CLASP1: variants seen among roughly 807,000 people sequenced by gnomAD.
CLASP1 encodes the protein cytoplasmic linker associated protein 1.
In CLASP1, 38 loss-of-function variants were observed where a neutral mutation model predicts 192.3. That is an observed-to-expected ratio of 0.20 (90% confidence interval 0.15 to 0.26). CLASP1 has a LOEUF of 0.26. Ranked by LOEUF, CLASP1 falls within the 10% of genes least tolerant of loss-of-function variation. CLASP1 has a pLI of 1.00. For synonymous variants in CLASP1, 691 were observed against 712.8 expected (o/e 0.97, Z 0.49); for missense variants, 1,433 against 1,932.5 (o/e 0.74, Z 4.85).
At position 121,484,180 on chromosome 2, in the gene CLASP1, T is replaced by C. The variant is rs573502672; in HGVS notation, c.713-14220A>G. Among the ~76,000 whole-genome samples the C allele has an allele frequency of 4.6e-5, 7 of 152,332 alleles. No homozygotes were observed. In the South Asian group the frequency reaches 1.4e-3, roughly 32 times the overall value. On this transcript the variant is annotated intron_variant, in intron 8 of 39. Transcript: ENST00000263710. ...TTTTTGTAAATTATAGATATATTAC[T>C]AAAAGTACCTATTTGATAACTGTCC...
At chr2:121,552,900 T>C (rs192415768) in intron 2 of CLASP1, among the ~76,000 whole-genome samples, 5 of 152,342 alleles carry the variant, frequency 3.3e-5, no homozygotes, top group East Asian at 3.9e-4. Context: ...TGTATGTTAA[T>C]TGCAGCACTA....
rs756323573 is a variant in CLASP1 at position 121,493,914 on chromosome 2, T to C, written c.712+9253A>G. Among the ~76,000 whole-genome samples the C allele has an allele frequency of 5.9e-5, 9 of 152,276 alleles. No individual in the cohort carries two copies. The East Asian group carries it at 1.4e-3, about 23-fold the overall frequency. On this transcript the variant is annotated intron_variant, in intron 8 of 39. Coordinates refer to ENST00000263710, the Ensembl canonical transcript of CLASP1. ...ACAATGAGGTATCATCTCACCCCAG[T>C]TGAAATGGCTTTAATCCAAAAGACA... is the stretch of plus-strand genomic sequence containing the variant.
intron 6 of CLASP1, among the ~76,000 whole-genome samples, chr2:121,523,880 A>G (rs563244956): frequency 1.3e-5 from 2 of 152,318 alleles, no homozygotes; most frequent in Admixed American, 1.3e-4. Context: ...CTCTCGCTAA[A>G]TATATGTGGA....
At chr2:121,470,293 C>CTCTT in intron 8 of CLASP1, 1 of 306,462 alleles carries the variant, frequency 3.3e-6, no homozygotes, top group South Asian at 2.4e-5. Flanking sequence ...ACCATCCATG[C>CTCTT]TTTTTTTTTT....
chr2:121,394,251 T>C (rs2074899361), intron 30 of CLASP1, among the ~76,000 whole-genome samples: 2 of 152,202 alleles, frequency 1.3e-5, no homozygotes, highest in Admixed American at 1.3e-4. Flanking sequence ...CAAAGGGAGA[T>C]TATCCTGGAT....
At chr2:121,382,090 A>C in intron 33 of CLASP1, 118 bp downstream of exon 34, 1 of 754,380 alleles carries the variant, frequency 1.3e-6, no homozygotes, top group Non-Finnish European at 2.3e-6. Flanking sequence ...CTGCTATGTG[A>C]CACCAAGGAA....
chr2:121,447,646 C>T, intron 18 of CLASP1, 139 bp from the exon 19 acceptor site: 2 of 727,938 alleles, frequency 2.7e-6, no homozygotes, highest in Non-Finnish European at 2.2e-6. Flanking sequence ...AACTGACAAA[C>T]AGTTTCTCCT....
intron 29 of CLASP1, 93 bp downstream of exon 30, chr2:121,398,229 C>T: frequency 1.1e-6 from 1 of 908,316 alleles, no homozygotes; most frequent in Non-Finnish European, 1.7e-6. Context: ...CAGATTTATT[C>T]ACAATAGCTA....
At chr2:121,368,563 G>A (rs1558907638) in intron 34 of CLASP1, among the ~76,000 whole-genome samples, 1 of 152,006 alleles carries the variant, frequency 6.6e-6, no homozygotes, top group African/African-American at 2.4e-5. Context: ...TGCTTTTAGG[G>A]TCCTCTGCTG....
intron 39 of CLASP1, among the ~76,000 whole-genome samples, chr2:121,346,745 C>A (rs1267683792): frequency 6.6e-6 from 1 of 152,346 alleles, no homozygotes; most frequent in East Asian, 1.9e-4. Flanking sequence ...CATGAAAAAT[C>A]GGATGGTTTC....
At chr2:121,594,338 A>G (rs534196064) in intron 2 of CLASP1, among the ~76,000 whole-genome samples, 1 of 152,006 alleles carries the variant, frequency 6.6e-6, no homozygotes, top group Admixed American at 6.5e-5. Flanking sequence ...AAAGGACATT[A>G]GCATGACAAC....
chr2:121,466,668 T>C (rs548888069), intron 9 of CLASP1, among the ~76,000 whole-genome samples: 49 of 152,364 alleles, frequency 3.2e-4, no homozygotes, highest in Non-Finnish European at 6.6e-4. Context: ...AAGAGTTGTA[T>C]ATAACAACCA....
intron 21 of CLASP1, 105 bp from the exon 22 acceptor site, chr2:121,425,411 A>C (rs1204521291): frequency 1.1e-6 from 1 of 883,556 alleles, no homozygotes; most frequent in African/African-American, 1.8e-5. Flanking sequence ...TAAAATACAC[A>C]ATTTTATATA....
chr2:121,381,239 T>C (rs2071565244), intron 33 of CLASP1, among the ~76,000 whole-genome samples: 1 of 152,158 alleles, frequency 6.6e-6, no homozygotes, highest in South Asian at 2.1e-4. Context: ...TTATTTGTAT[T>C]CCACAAAAGT....
intron 1 of CLASP1, among the ~76,000 whole-genome samples, chr2:121,644,871 T>C (rs546054213): frequency 6.6e-6 from 1 of 151,578 alleles, no homozygotes; most frequent in South Asian, 2.1e-4. Context: ...AGCAGGAGGA[T>C]TGATTAAGTC....
At chr2:121,442,615 G>A (rs533748273) in intron 19 of CLASP1, among the ~76,000 whole-genome samples, 1 of 152,042 alleles carries the variant, frequency 6.6e-6, no homozygotes, top group South Asian at 2.1e-4. Context: ...GAGTAGCTGG[G>A]ACTAGAGGCA....
At chr2:121,638,626 A>G (rs1190892823) in intron 1 of CLASP1, among the ~76,000 whole-genome samples, 2 of 152,106 alleles carry the variant, frequency 1.3e-5, no homozygotes, top group African/African-American at 4.8e-5. Context: ...TATCCATACA[A>G]TAGAACATTA....
At chr2:121,493,017 G>A (rs189558492) in intron 8 of CLASP1, among the ~76,000 whole-genome samples, 26 of 152,290 alleles carry the variant, frequency 1.7e-4, no homozygotes, top group African/African-American at 2.4e-5. Context: ...GTCATGGTAT[G>A]TAAATTATAT....
chr2:121,403,033 T>G (rs531802815), intron 26 of CLASP1, among the ~76,000 whole-genome samples: 1 of 152,314 alleles, frequency 6.6e-6, no homozygotes, highest in East Asian at 1.9e-4. Context: ...GGTTTTGCCA[T>G]GTTGGCCAGG....
Sources: gnomAD v4.1 joint callset for allele counts (sites outside exome capture counted in the v4.1 genomes callset) on GRCh38, gnomAD v4.1.1 for gene constraint, MANE v1.5 for transcripts, NCBI Gene and HGNC (gene_info 2026-07-23, HGNC 2026-07-21) for gene names.